CHST5: variants seen among roughly 807,000 people sequenced by gnomAD.
CHST5 encodes carbohydrate sulfotransferase 5.
For missense variants in CHST5, 637 were observed against 602.1 expected (o/e 1.06, Z -0.61); for synonymous variants, 313 against 279.2 (o/e 1.12, Z -1.21).
chr16:75,532,373 T>G (rs2080530562), intron 3 of CHST5, among the ~76,000 whole-genome samples: 1 of 152,218 alleles, frequency 6.6e-6, no homozygotes, highest in African/African-American at 2.4e-5. Flanking sequence ...TTTGCACCTG[T>G]TGCATCTGCA....
At position 75,530,628 on chromosome 16, in the gene CHST5, T is replaced by C. The variant is rs1016621735; in HGVS notation, c.-244A>G. On this transcript the variant is annotated 5_prime_UTR_variant, in exon 4 of 4. It adds an upstream start codon to the 5' untranslated region. Transcript: ENST00000336257. ...CCTACTTACATACCTACAGGCTATC[T>C]ATCTGTAGAGAGAAATACTATGTTT... is the stretch of plus-strand genomic sequence containing the variant. The C allele has an allele frequency of 7.2e-7, 1 of 1,388,492 alleles. No individual in the cohort carries two copies. The highest frequency in any genetic ancestry group is 9.4e-7 in the Non-Finnish European group (1 of 1,068,256). The allele number at this position is 1,388,492 out of a possible 1,614,324, so 86.0% of individuals were successfully genotyped here.
In CHST5 at chr16:75,533,191, G is replaced by A. The variant is rs1386867730; in HGVS notation, c.-1351-8C>T. ...TTCCTCACTGGGAGCTTTCTGATAA[G>A]GAGACTTACATTCAGCACAGTGGAC... On this transcript the variant is annotated splice_region_variant and splice_polypyrimidine_tract_variant and intron_variant, in intron 2 of 3. Coordinates refer to ENST00000336257, the MANE Select transcript of CHST5 (RefSeq NM_024533.5). 2.8e-6 allele frequency: 2 copies of A among 702,416 alleles called. No homozygotes were observed. Among genetic ancestry groups the A allele is most frequent in the Non-Finnish European group, 5.2e-6 (2 of 384,838 alleles). 43.5% of individuals were successfully genotyped at this position (702,416 alleles called of 1,614,324 possible).
At position 75,531,113 on chromosome 16, in the gene CHST5, G is replaced by C. The variant is rs2080516402; in HGVS notation, c.-729C>G. ...CGAGGCGGGCGGATCACGAGGTCAGGAGATCGAGACCATCCTGGCTAACAC... is the reference window on the plus strand; with the variant it reads ...CGAGGCGGGCGGATCACGAGGTCAGCAGATCGAGACCATCCTGGCTAACAC... On this transcript the variant is annotated 5_prime_UTR_variant, in exon 4 of 4. Transcript: ENST00000336257. 6 of 893,364 alleles carry C rather than the reference G, an allele frequency of 6.7e-6. No individual in the cohort carries two copies. Among genetic ancestry groups the C allele is most frequent in the Non-Finnish European group, 8.2e-6 (6 of 733,818 alleles). 55.3% of individuals were successfully genotyped at this position (893,364 alleles called of 1,614,324 possible).
At chr16:75,535,913 G>C (rs1940639046) in intron 1 of CHST5, among the ~76,000 whole-genome samples, 131 bp downstream of exon 1, 1 of 152,216 alleles carries the variant, frequency 6.6e-6, no homozygotes, top group Non-Finnish European at 1.5e-5. Flanking sequence ...GGAGGACAAA[G>C]GCCCTAGTGA....
At chr16:75,533,221 G>A in intron 2 of CHST5, 38 bp from the exon 3 acceptor site, 1 of 702,380 alleles carries the variant, frequency 1.4e-6, no homozygotes. Flanking sequence ...GTGGACAATT[G>A]GCCAAGGGTG....
intron 3 of CHST5, 96 bp from the exon 4 acceptor site, chr16:75,531,736 G>C: frequency 1.1e-6 from 1 of 874,112 alleles, no homozygotes; most frequent in Non-Finnish European, 1.7e-6. Context: ...TGTCCTGCCT[G>C]CCTTTTGCTT....
chr16:75,533,234 A>G, intron 2 of CHST5, 51 bp from the exon 3 acceptor site: 1 of 702,368 alleles, frequency 1.4e-6, no homozygotes, highest in Non-Finnish European at 2.6e-6. Flanking sequence ...CAAGGGTGCA[A>G]AGTTAGGGAG....
At chr16:75,532,073 G>A (rs1178372503) in intron 3 of CHST5, among the ~76,000 whole-genome samples, 1 of 152,176 alleles carries the variant, frequency 6.6e-6, no homozygotes, top group Non-Finnish European at 1.5e-5. Flanking sequence ...AAACACCTAT[G>A]AGGGGAGGGC....
chr16:75,529,624 C>A lies in CHST5; in HGVS notation c.761G>T (p.Trp254Leu). ...GCGCAGGTGAGGGTCGGCCTCCACC[C>A]ACTTGCCGTTGGTGCCCAGCACGAT... is the stretch of plus-strand genomic sequence containing the variant. ...NGIVLGTNGKWVEADPHLRLI... is the reference protein window; with the variant it reads ...NGIVLGTNGKLVEADPHLRLI... Residue 254 changes from tryptophan (W) to leucine (L), a missense_variant, in exon 4 of 4, where the codon TGG (tryptophan) becomes TTG (leucine). Transcript: ENST00000336257. 1 of 1,611,184 alleles carries A rather than the reference C, an allele frequency of 6.2e-7. No individual in the cohort carries two copies. Among genetic ancestry groups the A allele is most frequent in the Non-Finnish European group, 8.5e-7 (1 of 1,179,012 alleles).
At position 75,530,942 on chromosome 16, in the gene CHST5, G is replaced by A. The variant is rs1165332232; in HGVS notation, c.-558C>T. ...GTTATTATAATGAAGATGGGGGAAG[G>A]GAACACGCAGTCATGCCCATAACTG... On this transcript the variant is annotated 5_prime_UTR_variant, in exon 4 of 4. Coordinates refer to ENST00000336257, the MANE Select transcript of CHST5 (RefSeq NM_024533.5). 4.0e-6 allele frequency: 4 copies of A among 1,003,602 alleles called. No homozygotes were observed. The highest frequency in any genetic ancestry group is 4.8e-6 in the Non-Finnish European group (4 of 832,284). The allele number at this position is 1,003,602 out of a possible 1,614,324, so 62.2% of individuals were successfully genotyped here. A position where few individuals can be genotyped will look rare whatever the true frequency, so the allele number is the denominator to read the frequency against.
rs767088958 is a variant in CHST5, at chr16:75,530,470, A to C, written c.-86T>G. 2.1e-6 allele frequency: 3 copies of C among 1,453,600 alleles called. No homozygotes were observed. The highest frequency in any genetic ancestry group is 1.4e-5 in the African/African-American group (1 of 69,772). 90.0% of individuals were successfully genotyped at this position (1,453,600 alleles called of 1,614,324 possible). A position where few individuals can be genotyped will look rare whatever the true frequency, so the allele number is the denominator to read the frequency against. Reference sequence around the variant, plus strand: ...CCCATTGGACTTCCCAAGACTCCCAAGGTCTCAGTCGAGCACTTTCCCAGG... The same window carrying C: ...CCCATTGGACTTCCCAAGACTCCCACGGTCTCAGTCGAGCACTTTCCCAGG... On this transcript the variant is annotated 5_prime_UTR_variant, in exon 4 of 4. Coordinates refer to ENST00000336257, the MANE Select transcript of CHST5 (RefSeq NM_024533.5).
rs2080520867 is a variant in CHST5, at chr16:75,531,389, C to T, written c.-1005G>A. 9.4e-7 allele frequency: 1 copy of T among 1,068,874 alleles called. No individual in the cohort carries two copies. The highest frequency in any genetic ancestry group is 2.8e-5 in the South Asian group (1 of 35,918). The allele number at this position is 1,068,874 out of a possible 1,614,324, so 66.2% of individuals were successfully genotyped here. On this transcript the variant is annotated 5_prime_UTR_variant, in exon 4 of 4. Transcript: ENST00000336257. ...AAGATAAACAAGTAAATAAAGTGGA[C>T]AAAGAACAGCAACTGTTGTCATCAC...
chr16:75,529,475 C>A lies in CHST5; in HGVS notation c.910G>T (p.Ala304Ser), dbSNP rs1473366980. 1.8e-5 allele frequency: 29 copies of A among 1,612,100 alleles called. No individual in the cohort carries two copies. Among genetic ancestry groups the A allele is most frequent in the East Asian group, 1.3e-4 (6 of 44,894 alleles). Reference protein sequence around the residue: ...RFEDLAREPLAEIRALYAFTG... With the variant: ...RFEDLAREPLSEIRALYAFTG... ...AAGGCGTAGAGTGCGCGGATCTCTG[C>A]CAGCGGCTCCCGCGCCAGGTCCTCG... Residue 304 changes from alanine to serine, a missense_variant, in exon 4 of 4, where the codon GCA (alanine) becomes TCA (serine). Physicochemically the swap from Ala to Ser is moderately conservative, Grantham distance 99 (BLOSUM62 1). Coordinates refer to ENST00000336257, the MANE Select transcript of CHST5 (RefSeq NM_024533.5).
At position 75,529,065 on chromosome 16, in the gene CHST5, T is replaced by A. The variant is rs1355728073; in HGVS notation, c.*84A>T. On this transcript the variant is annotated 3_prime_UTR_variant, in exon 4 of 4. Coordinates refer to ENST00000336257, the MANE Select transcript of CHST5 (RefSeq NM_024533.5). ...TTGATAGTAGGGACCTGCTTCCCCA[T>A]GCGCCCCAGCTCCCTCTCCACCATG... 1.8e-5 allele frequency: 26 copies of A among 1,431,230 alleles called. No homozygotes were observed. The highest frequency in any genetic ancestry group is 2.3e-5 in the Non-Finnish European group (25 of 1,077,716). 88.7% of individuals were successfully genotyped at this position (1,431,230 alleles called of 1,614,324 possible). A position where few individuals can be genotyped will look rare whatever the true frequency, so the allele number is the denominator to read the frequency against.
At chr16:75,535,917 C>A (rs2550884) in intron 1 of CHST5, among the ~76,000 whole-genome samples, 127 bp downstream of exon 1, 12,286 of 152,252 alleles carry the variant, frequency 0.081, 580 homozygotes, top group African/African-American at 0.12. Flanking sequence ...GACAAAGGCC[C>A]TAGTGAAGGA....
chr16:75,534,337 A>AAAAAAC (rs891182238), intron 2 of CHST5, among the ~76,000 whole-genome samples: 3 of 152,048 alleles, frequency 2.0e-5, no homozygotes, highest in African/African-American at 4.8e-5. Flanking sequence ...ACCCCATCTG[A>AAAAAAC]AAAAACAAAA....
rs572582991 is a variant in CHST5, at chr16:75,529,523, C to T, written c.862G>A (p.Gly288Ser). ...TCGAAGCGCACCAGGCGGTAGCGGCCGCGCAGGAAGGGTGGCGGCTTGAGT... is the reference window on the plus strand; with the variant it reads ...TCGAAGCGCACCAGGCGGTAGCGGCTGCGCAGGAAGGGTGGCGGCTTGAGT... Reference protein sequence around the residue: ...ATLKPPPFLRGRYRLVRFEDL... With the variant: ...ATLKPPPFLRSRYRLVRFEDL... Residue 288 changes from glycine (G) to serine (S), a missense_variant, in exon 4 of 4, where the codon GGC (glycine) becomes AGC (serine). Coordinates refer to ENST00000336257, the MANE Select transcript of CHST5 (RefSeq NM_024533.5). 3 of 1,610,208 alleles carry T rather than the reference C, an allele frequency of 1.9e-6. No homozygotes were observed. Among genetic ancestry groups the T allele is most frequent in the Admixed American group, 1.7e-5 (1 of 59,934 alleles).
rs1057279327 is a variant in CHST5 at position 75,530,949 on chromosome 16, G to A, written c.-565C>T. On this transcript the variant is annotated 5_prime_UTR_variant, in exon 4 of 4. Transcript: ENST00000336257. ...TAATGAAGATGGGGGAAGGGAACACGCAGTCATGCCCATAACTGAGGATTG... is the reference window on the plus strand; with the variant it reads ...TAATGAAGATGGGGGAAGGGAACACACAGTCATGCCCATAACTGAGGATTG... 3.1e-5 allele frequency: 31 copies of A among 1,003,756 alleles called. No individual in the cohort carries two copies. The East Asian group carries it at 4.5e-4, about 15-fold the overall frequency. 62.2% of individuals were successfully genotyped at this position (1,003,756 alleles called of 1,614,324 possible). A position where few individuals can be genotyped will look rare whatever the true frequency, so the allele number is the denominator to read the frequency against.
At chr16:75,533,696 C>T (rs1054228904) in intron 2 of CHST5, among the ~76,000 whole-genome samples, 3 of 151,992 alleles carry the variant, frequency 2.0e-5, no homozygotes, top group Middle Eastern at 3.4e-3. Flanking sequence ...AAATGCAATT[C>T]TTGACTGCCT....
Sources: allele counts gnomAD v4.1 joint callset (sites outside exome capture counted in the v4.1 genomes callset), GRCh38; gene constraint gnomAD v4.1.1; transcripts MANE v1.5; gene names NCBI Gene and HGNC (gene_info 2026-07-23, HGNC 2026-07-21).